ST7: variants seen among roughly 807,000 people sequenced by gnomAD.
ST7 encodes suppression of tumorigenicity 7.
ST7 carries 28 observed loss-of-function variants against 78.7 expected under a neutral mutation model. The observed-to-expected ratio is 0.36, with a 90% CI of 0.26 to 0.49. The LOEUF is 0.49. Among genes scored for constraint, ST7 ranks in the 20% least tolerant of loss-of-function variants. The probability of loss-of-function intolerance (pLI) is 0.99; values close to 1 mark genes in which losing one functional copy is unlikely to be tolerated. For synonymous variants in ST7, 247 were observed against 249.6 expected (o/e 0.99, Z 0.10); for missense variants, 418 against 696.0 (o/e 0.60, Z 4.49).
At chr7:117,195,464 C>G (rs1245091156) in intron 12 of ST7, among the ~76,000 whole-genome samples, 2 of 152,096 alleles carry the variant, frequency 1.3e-5, no homozygotes, top group African/African-American at 2.4e-5. Flanking sequence ...TTAGTCCATT[C>G]TCATGCTGCA....
chr7:116,992,484 C>T (rs550929233), intron 1 of ST7, among the ~76,000 whole-genome samples: 50 of 152,334 alleles, frequency 3.3e-4, no homozygotes, highest in South Asian at 6.2e-4. Flanking sequence ...CTTTCAGTCA[C>T]GGCTGGAGCA....
intron 1 of ST7, among the ~76,000 whole-genome samples, chr7:117,084,726 T>C (rs1424165998): frequency 6.7e-6 from 1 of 149,032 alleles, no homozygotes; most frequent in East Asian, 1.9e-4. Flanking sequence ...TTTGCTGCCA[T>C]TATTATTATT....
intron 15 of ST7, among the ~76,000 whole-genome samples, chr7:117,227,807 G>A (rs1360295084): frequency 6.6e-6 from 1 of 152,088 alleles, no homozygotes; most frequent in Non-Finnish European, 1.5e-5. Context: ...TATTCCGTAG[G>A]GTGGTTTTGT....
At chr7:117,055,132 A>G (rs1797996726) in intron 1 of ST7, among the ~76,000 whole-genome samples, 1 of 152,190 alleles carries the variant, frequency 6.6e-6, no homozygotes, top group South Asian at 2.1e-4. Flanking sequence ...TGATTGATAT[A>G]ATCCTCTGTG....
chr7:117,044,738 A>G (rs1797404159), intron 1 of ST7, among the ~76,000 whole-genome samples: 1 of 152,118 alleles, frequency 6.6e-6, no homozygotes. Context: ...TGTGACTTCA[A>G]AGTTAATGTT....
intron 1 of ST7, among the ~76,000 whole-genome samples, chr7:116,957,996 C>T (rs1792604306): frequency 6.6e-6 from 1 of 151,912 alleles, no homozygotes; most frequent in Non-Finnish European, 1.5e-5. Flanking sequence ...TATTTATTTA[C>T]TTATGTTTGA....
At chr7:117,193,379 A>G (rs901633622) in intron 12 of ST7, among the ~76,000 whole-genome samples, 1 of 152,196 alleles carries the variant, frequency 6.6e-6, no homozygotes, top group Non-Finnish European at 1.5e-5. Context: ...TTAATGTGCC[A>G]AGCACAGTGC....
At chr7:117,064,102 C>G (rs540907331) in intron 1 of ST7, among the ~76,000 whole-genome samples, 1 of 151,376 alleles carries the variant, frequency 6.6e-6, no homozygotes, top group East Asian at 1.9e-4. Flanking sequence ...TTTTTTAATA[C>G]GGCATTTTAT....
intron 1 of ST7, chr7:117,073,948 A>C (rs1196632435): frequency 6.6e-6 from 1 of 152,226 alleles, no homozygotes; most frequent in Non-Finnish European, 1.5e-5. Flanking sequence ...ATAATAGTTA[A>C]AATTGTTAGC....
chr7:117,031,479 T>A (rs796125107), intron 1 of ST7, among the ~76,000 whole-genome samples: 235 of 23,198 alleles, frequency 0.01, 92 homozygotes, highest in East Asian at 0.072. Context: ...CATATATGTG[T>A]GTATATGTGC....
intron 1 of ST7, among the ~76,000 whole-genome samples, chr7:117,001,535 T>C (rs553092526): frequency 1.3e-4 from 20 of 152,292 alleles, no homozygotes; most frequent in Non-Finnish European, 2.4e-4. Context: ...AATTGCAGGA[T>C]CAGGCAATGA....
intron 12 of ST7, among the ~76,000 whole-genome samples, chr7:117,202,330 C>A (rs1003834004): frequency 6.6e-6 from 1 of 152,180 alleles, no homozygotes; most frequent in African/African-American, 2.4e-5. Flanking sequence ...AGAACACCCA[C>A]ATTTGTGTCT....
chr7:116,959,137 T>A (rs1287975538), intron 1 of ST7: 5 of 461,194 alleles, frequency 1.1e-5, no homozygotes, highest in Non-Finnish European at 2.2e-5. Context: ...TTCTAAATCC[T>A]TTGTTGTCAT....
intron 13 of ST7, among the ~76,000 whole-genome samples, chr7:117,214,699 A>G (rs561874431): frequency 1.1e-4 from 16 of 151,686 alleles, no homozygotes; most frequent in Admixed American, 9.8e-4. Flanking sequence ...AGTAGAACCA[A>G]CTTGCTCCTT....
intron 3 of ST7, among the ~76,000 whole-genome samples, chr7:117,122,758 G>A (rs1803505246): frequency 6.6e-6 from 1 of 152,110 alleles, no homozygotes; most frequent in East Asian, 1.9e-4. Flanking sequence ...AAACAAACAT[G>A]TATGCTAGTT....
chr7:117,020,823 A>G (rs370456905), intron 1 of ST7, among the ~76,000 whole-genome samples: 34 of 152,288 alleles, frequency 2.2e-4, no homozygotes, highest in African/African-American at 7.7e-4. Context: ...AGGGATGTCA[A>G]TGTGTCAAAA....
At chr7:116,960,860 G>T (rs1250475608) in intron 1 of ST7, among the ~76,000 whole-genome samples, 5 of 152,092 alleles carry the variant, frequency 3.3e-5, no homozygotes, top group Non-Finnish European at 5.9e-5. Context: ...TATTGTAGTT[G>T]CTTTTGGTGT....
At chr7:116,983,363 T>C (rs970707640) in intron 1 of ST7, among the ~76,000 whole-genome samples, 1 of 152,208 alleles carries the variant, frequency 6.6e-6, no homozygotes, top group African/African-American at 2.4e-5. Context: ...TATTTACTTA[T>C]TTGCTTAACC....
intron 1 of ST7, among the ~76,000 whole-genome samples, chr7:117,027,463 A>AAAAAAGTAAAGTAAAGTAAAGTAAAGT (rs138336028): frequency 7.1e-6 from 1 of 140,630 alleles, no homozygotes; most frequent in Non-Finnish European, 1.5e-5. Flanking sequence ...AAAGTAAAGT[A>AAAAAAGTAAAGTAAAGTAAAGTAAAGT]AAAGTAAAGT....
Sources: allele counts gnomAD v4.1 joint callset (sites outside exome capture counted in the v4.1 genomes callset), GRCh38; gene constraint gnomAD v4.1.1; transcripts MANE v1.5; gene names NCBI Gene and HGNC (gene_info 2026-07-23, HGNC 2026-07-21).